Variants in OSBPL6 observed in about 807,000 individuals in gnomAD.
The protein encoded by OSBPL6 is oxysterol binding protein like 6.
A neutral mutation model predicts 125.8 loss-of-function variants in OSBPL6; 49 were observed. The observed-to-expected ratio is 0.39, with a 90% confidence interval of 0.31 to 0.49. OSBPL6 has a LOEUF of 0.49. OSBPL6 is among the 20% of genes least tolerant of loss of function. The pLI is 0.88. For missense variants in OSBPL6, 986 were observed against 1,135.4 expected, an observed-to-expected ratio of 0.87 and a Z score of 1.89; for synonymous variants, 394 against 391.8, an observed-to-expected ratio of 1.01 and a Z score of -0.07.
At chr2:178,209,015 G>C (rs113278124) in intron 1 of OSBPL6, among the ~76,000 whole-genome samples, 37 of 152,254 alleles carry the variant, frequency 2.4e-4, no homozygotes, top group African/African-American at 8.7e-4. Flanking sequence ...TTACTGTTAA[G>C]AAGACCAAAG....
intron 1 of OSBPL6, among the ~76,000 whole-genome samples, chr2:178,270,041 C>T (rs1458200228): frequency 6.6e-6 from 1 of 152,178 alleles, no homozygotes; most frequent in East Asian, 1.9e-4. Flanking sequence ...GGTTAGTGGC[C>T]ACAGCCTCTC....
chr2:178,349,350 A>G lies in OSBPL6; in HGVS notation c.1114A>G (p.Thr372Ala), dbSNP rs1038626262. ...TDPLESSTDY[T>A]KLQEEFCLIA... ...CCCTCTGGAAAGTTCAACAGATTAT[A>G]CAAAGCTGCAAGAAGAATTTTGTCT... The change falls in exon 12 of 25, where the codon ACA (threonine) becomes GCA (alanine). Residue 372 changes from threonine to alanine, a missense_variant. Coordinates refer to ENST00000190611, the MANE Select transcript of OSBPL6 (RefSeq NM_032523.4). The G allele has an allele frequency of 4.3e-6, 7 of 1,614,098 alleles. No homozygotes were observed. Among genetic ancestry groups the G allele is most frequent in the Non-Finnish European group, 5.9e-6 (7 of 1,180,034 alleles).
intron 1 of OSBPL6, among the ~76,000 whole-genome samples, chr2:178,227,521 A>G (rs13012042): frequency 6.6e-6 from 1 of 152,250 alleles, no homozygotes; most frequent in African/African-American, 2.4e-5. Context: ...TTTGCCCTGT[A>G]CATATAAAAA....
intron 4 of OSBPL6, 41 bp from the exon 5 acceptor site, chr2:178,328,215 C>T: frequency 1.9e-6 from 3 of 1,610,860 alleles, no homozygotes; most frequent in Non-Finnish European, 2.5e-6. Flanking sequence ...TGTCATCAGG[C>T]ACTGAGTAAC....
At chr2:178,210,008 TTATTTATC>T (rs1249972451) in intron 1 of OSBPL6, among the ~76,000 whole-genome samples, 1 of 149,446 alleles carries the variant, frequency 6.7e-6, no homozygotes, top group African/African-American at 2.6e-5. Context: ...TAAATTTTAT[TTATTTATC>T]TATTTATTTA....
At chr2:178,350,350 C>T (rs972916448) in intron 12 of OSBPL6, among the ~76,000 whole-genome samples, 3 of 152,196 alleles carry the variant, frequency 2.0e-5, no homozygotes, top group South Asian at 2.1e-4. Flanking sequence ...TCTTCTCAGG[C>T]GTTGTCTTTT....
chr2:178,271,936 A>G (rs1398408732), intron 1 of OSBPL6, among the ~76,000 whole-genome samples: 1 of 152,232 alleles, frequency 6.6e-6, no homozygotes, highest in Non-Finnish European at 1.5e-5. Context: ...CAGTTCTGTA[A>G]AAGTCTGTTC....
intron 3 of OSBPL6, among the ~76,000 whole-genome samples, chr2:178,314,729 G>A (rs1687587037): frequency 6.6e-6 from 1 of 152,220 alleles, no homozygotes; most frequent in East Asian, 1.9e-4. Flanking sequence ...AAGGCTGGAA[G>A]TGTCATCACT....
chr2:178,265,658 T>G (rs1449286876), intron 1 of OSBPL6, among the ~76,000 whole-genome samples: 1 of 152,144 alleles, frequency 6.6e-6, no homozygotes, highest in African/African-American at 2.4e-5. Flanking sequence ...CATGGCAGCC[T>G]TTTGGTGGGG....
At chr2:178,378,704 C>T (rs911759639) in intron 15 of OSBPL6, among the ~76,000 whole-genome samples, 1 of 152,222 alleles carries the variant, frequency 6.6e-6, no homozygotes, top group East Asian at 1.9e-4. Flanking sequence ...AGCCTTGGCT[C>T]TTTGTGCAGG....
Position 178,401,042 on chromosome 2 carries a change from T to C in OSBPL6, c.*5483T>C, listed in dbSNP as rs1274751269. ...GAAATGCTTAGAAAACAATCATTTA[T>C]TTTTTTATGTCAAAATGTCCAAGTA... is the stretch of plus-strand genomic sequence containing the variant. On this transcript the variant is annotated 3_prime_UTR_variant, in exon 25 of 25. Transcript: ENST00000190611. 4 of 152,234 alleles carry C rather than the reference T, an allele frequency of 2.6e-5. No homozygotes were observed. The highest frequency in any genetic ancestry group is 9.6e-5 in the African/African-American group (4 of 41,460). 9.4% of individuals were successfully genotyped at this position (152,234 alleles called of 1,614,324 possible).
intron 1 of OSBPL6, among the ~76,000 whole-genome samples, chr2:178,237,419 A>G (rs553866170): frequency 6.6e-6 from 1 of 152,074 alleles, no homozygotes; most frequent in East Asian, 1.9e-4. Flanking sequence ...TCCTGTTTCA[A>G]ACAATTTGAA....
intron 24 of OSBPL6, among the ~76,000 whole-genome samples, chr2:178,394,896 T>A (rs557867818): frequency 6.6e-6 from 1 of 152,316 alleles, no homozygotes; most frequent in East Asian, 1.9e-4. Context: ...TATATATACA[T>A]CACACAGATT....
intron 1 of OSBPL6, among the ~76,000 whole-genome samples, chr2:178,216,708 C>A (rs1405089342): frequency 6.6e-6 from 1 of 152,174 alleles, no homozygotes; most frequent in South Asian, 2.1e-4. Context: ...TTCTCTACAA[C>A]GTACCTATCA....
intron 1 of OSBPL6, among the ~76,000 whole-genome samples, chr2:178,237,962 A>G (rs549689438): frequency 1.3e-5 from 2 of 152,210 alleles, no homozygotes; most frequent in Admixed American, 6.5e-5. Context: ...GACAATACTC[A>G]TTACTGGAAA....
chr2:178,382,741 C>T (rs77450626), intron 16 of OSBPL6: 92,698 of 1,437,494 alleles, frequency 0.064, 3,257 homozygotes, highest in Non-Finnish European at 0.069. Flanking sequence ...AAACCAACAG[C>T]TTGAGTCCTT....
intron 9 of OSBPL6, among the ~76,000 whole-genome samples, chr2:178,338,063 T>C (rs1689857681): frequency 6.6e-6 from 1 of 151,886 alleles, no homozygotes; most frequent in South Asian, 2.1e-4. Context: ...TGCCTCAGCC[T>C]TCTGAGTAGC....
Position 178,400,952 on chromosome 2 carries a change from A to G in OSBPL6, c.*5393A>G, listed in dbSNP as rs1329655081. The G allele has an allele frequency of 1.3e-5, 2 of 152,250 alleles. No homozygotes were observed. Among genetic ancestry groups the G allele is most frequent in the African/African-American group, 4.8e-5 (2 of 41,464 alleles). The allele number at this position is 152,250 out of a possible 1,614,324, so 9.4% of individuals were successfully genotyped here. A position where few individuals can be genotyped will look rare whatever the true frequency, so the allele number is the denominator to read the frequency against. On this transcript the variant is annotated 3_prime_UTR_variant, in exon 25 of 25. Coordinates refer to ENST00000190611, the MANE Select transcript of OSBPL6 (RefSeq NM_032523.4). ...AATCCCATTAAGTCCTAGTTCTGGTAGCCCGGTACAAATTTTAGATTTTCC... is the reference window on the plus strand; with the variant it reads ...AATCCCATTAAGTCCTAGTTCTGGTGGCCCGGTACAAATTTTAGATTTTCC...
chr2:178,368,508 T>G (rs1693066467), intron 13 of OSBPL6, among the ~76,000 whole-genome samples: 1 of 152,168 alleles, frequency 6.6e-6, no homozygotes, highest in Non-Finnish European at 1.5e-5. Flanking sequence ...GAGATGAGTC[T>G]TCTACTTTTG....
Sources: gnomAD v4.1 joint callset for allele counts (sites outside exome capture counted in the v4.1 genomes callset) on GRCh38, gnomAD v4.1.1 for gene constraint, MANE v1.5 for transcripts, NCBI Gene and HGNC (gene_info 2026-07-23, HGNC 2026-07-21) for gene names.